The following DOCK4 variants were observed in gnomAD, a reference collection of about 807,000 sequenced individuals.
DOCK4 encodes the protein dedicator of cytokinesis protein 4.
In DOCK4, 97 loss-of-function variants were observed where a neutral mutation model predicts 268.1. That is an observed-to-expected ratio of 0.36 (90% CI 0.31 to 0.43). DOCK4 has a LOEUF of 0.43. Ranked by LOEUF, DOCK4 falls within the 20% of genes least tolerant of loss-of-function variation. DOCK4 has a pLI of 1.00. For missense variants in DOCK4, 2,145 were observed against 2,455.7 expected (o/e 0.87, Z 2.67); for synonymous variants, 954 against 887.2 (o/e 1.08, Z -1.34).
intron 45 of DOCK4, 130 bp from the exon 46 acceptor site, chr7:111,741,791 A>G: frequency 7.6e-7 from 1 of 1,324,322 alleles, no homozygotes; most frequent in Non-Finnish European, 1.0e-6. Context: ...TATTAAAGCA[A>G]GTTCCAGTAT....
intron 1 of DOCK4, among the ~76,000 whole-genome samples, chr7:112,173,614 A>G (rs1282744964): frequency 6.6e-6 from 1 of 152,106 alleles, no homozygotes; most frequent in Non-Finnish European, 1.5e-5. Context: ...TAGTTGGGTA[A>G]TATTTAGGAA....
At chr7:112,063,473 A>G (rs1393794206) in intron 1 of DOCK4, among the ~76,000 whole-genome samples, 1 of 152,184 alleles carries the variant, frequency 6.6e-6, no homozygotes, top group Admixed American at 6.5e-5. Flanking sequence ...TAAGCCCACA[A>G]TTGGGCAAAA....
intron 28 of DOCK4, among the ~76,000 whole-genome samples, chr7:111,810,177 G>A (rs1800988518): frequency 6.6e-6 from 1 of 152,218 alleles, no homozygotes; most frequent in African/African-American, 2.4e-5. Flanking sequence ...GAACAGTCCA[G>A]GTGCGGTGGC....
At chr7:112,004,240 G>T in intron 1 of DOCK4, 109 bp from the exon 2 acceptor site, 2 of 785,078 alleles carry the variant, frequency 2.5e-6, no homozygotes, top group Middle Eastern at 2.8e-4. Context: ...TAATTTGATA[G>T]CTGGAACCCT....
intron 1 of DOCK4, among the ~76,000 whole-genome samples, chr7:112,023,329 C>G (rs1030436333): frequency 6.6e-6 from 1 of 152,136 alleles, no homozygotes; most frequent in Admixed American, 6.5e-5. Flanking sequence ...GTGAGATGTA[C>G]CTGAGTTTGG....
intron 47 of DOCK4, 116 bp downstream of exon 47, chr7:111,740,978 C>G: frequency 7.7e-7 from 1 of 1,304,234 alleles, no homozygotes; most frequent in Non-Finnish European, 1.1e-6. Flanking sequence ...AAGGTTTGTC[C>G]TTAAGCCAAG....
intron 1 of DOCK4, among the ~76,000 whole-genome samples, chr7:112,091,628 C>T (rs552760052): frequency 1.2e-4 from 19 of 152,172 alleles, no homozygotes; most frequent in Non-Finnish European, 2.1e-4. Context: ...CAGAAACGGA[C>T]GCAGAGCCCA....
chr7:112,128,517 C>T (rs935253072), intron 1 of DOCK4, among the ~76,000 whole-genome samples: 24 of 152,186 alleles, frequency 1.6e-4, no homozygotes, highest in Admixed American at 1.4e-3. Flanking sequence ...CGGATGGTTG[C>T]CGTGTCTGTG....
chr7:111,772,602 CCTGG>C lies in DOCK4; in HGVS notation c.3680-2929_3680-2926del, dbSNP rs375936547. On this transcript the variant is annotated intron_variant, in intron 36 of 52. Transcript: ENST00000428084. ...CCTGAGGTCAGTAGTTCGAGACCAG[CCTGG>C]CTGACATAGTGAAACCCTGTCTCTA... 2.3e-3 allele frequency among the ~76,000 whole-genome samples: 347 copies of C among 152,168 alleles called. 1 individual carries two copies. The highest frequency in any genetic ancestry group is 7.9e-3 in the African/African-American group (326 of 41,514).
chr7:111,930,330 G>C (rs1195131644), intron 12 of DOCK4, among the ~76,000 whole-genome samples: 2 of 152,184 alleles, frequency 1.3e-5, no homozygotes, highest in Non-Finnish European at 2.9e-5. Context: ...TCTTAGGTTA[G>C]AGGGGAAAAA....
At chr7:112,175,771 T>A (rs1818457117) in intron 1 of DOCK4, among the ~76,000 whole-genome samples, 1 of 152,308 alleles carries the variant, frequency 6.6e-6, no homozygotes, top group East Asian at 1.9e-4. Context: ...TGCAGATGAA[T>A]ACTGCTAAAA....
rs1191158600 is a variant in DOCK4, at chr7:112,066,698, T to C, written c.38-62567A>G. Among the ~76,000 whole-genome samples the C allele has an allele frequency of 8.3e-4, 25 of 29,990 alleles. 1 individual carries two copies. Among genetic ancestry groups the C allele is most frequent in the Non-Finnish European group, 1.2e-3 (14 of 11,682 alleles). 19.7% of individuals were successfully genotyped at this position (29,990 alleles called of 152,430 possible). A position where few individuals can be genotyped will look rare whatever the true frequency, so the allele number is the denominator to read the frequency against. On this transcript the variant is annotated intron_variant, in intron 1 of 52. Coordinates refer to ENST00000428084, the MANE Select transcript of DOCK4 (RefSeq NM_001363540.2). ...ATACATATATACATATACATATATA[T>C]ATATATATATATATATATATATATA...
chr7:112,177,794 C>T (rs1394236660), intron 1 of DOCK4, among the ~76,000 whole-genome samples: 1 of 151,992 alleles, frequency 6.6e-6, no homozygotes, highest in Admixed American at 6.6e-5. Flanking sequence ...TCACCTTTTA[C>T]AGGAAATCTG....
intron 26 of DOCK4, among the ~76,000 whole-genome samples, chr7:111,830,121 T>C (rs1483821542): frequency 6.6e-6 from 1 of 152,198 alleles, no homozygotes; most frequent in Non-Finnish European, 1.5e-5. Flanking sequence ...ACAGGAAACA[T>C]TTATTAATAT....
At chr7:112,100,208 C>T (rs867973971) in intron 1 of DOCK4, among the ~76,000 whole-genome samples, 60 of 152,150 alleles carry the variant, frequency 3.9e-4, no homozygotes, top group African/African-American at 1.3e-3. Flanking sequence ...TTAGAAACTA[C>T]GTAAAGCCAT....
intron 40 of DOCK4, 90 bp from the exon 41 acceptor site, chr7:111,758,880 G>A: frequency 2.6e-6 from 3 of 1,169,730 alleles, no homozygotes; most frequent in Non-Finnish European, 2.4e-6. Flanking sequence ...GAAGAGGATG[G>A]GTAACAATCT....
chr7:111,894,104 C>G (rs555533909), intron 16 of DOCK4, among the ~76,000 whole-genome samples: 2 of 152,108 alleles, frequency 1.3e-5, no homozygotes, highest in African/African-American at 4.8e-5. Context: ...TGCCTGGTGT[C>G]CCAGCTAGTC....
intron 1 of DOCK4, among the ~76,000 whole-genome samples, chr7:112,106,792 C>T (rs377580961): frequency 2.0e-5 from 3 of 152,282 alleles, no homozygotes. Context: ...TGTTAAGTTC[C>T]ACCCTGACCT....
In DOCK4 at chr7:112,119,762, C is replaced by T. The variant is rs530499425; in HGVS notation, c.37+86340G>A. ...ATAAAATGGGGATAATAATGGAACC[C>T]ATCTCATGCAGCTGCCGTAAGGATT... On this transcript the variant is annotated intron_variant, in intron 1 of 52. Coordinates refer to ENST00000428084, the MANE Select transcript of DOCK4 (RefSeq NM_001363540.2). Among the ~76,000 whole-genome samples, 5 of 152,086 alleles carry T rather than the reference C, an allele frequency of 3.3e-5. No individual in the cohort carries two copies. The East Asian group carries it at 9.7e-4, about 29-fold the overall frequency.
Sources: allele counts gnomAD v4.1 joint callset (sites outside exome capture counted in the v4.1 genomes callset), GRCh38; gene constraint gnomAD v4.1.1; transcripts MANE v1.5; gene names NCBI Gene and HGNC (gene_info 2026-07-23, HGNC 2026-07-21).